CACNA1E: variants seen among roughly 807,000 people sequenced by gnomAD.
CACNA1E encodes voltage-dependent R-type calcium channel subunit alpha-1E.
Under a neutral mutation model 259.2 loss-of-function variants are expected in CACNA1E, and 40 were observed. That is an observed-to-expected ratio of 0.15 (90% confidence interval 0.12 to 0.20). The LOEUF (loss-of-function observed/expected upper bound fraction) is 0.20. Ranked by LOEUF, CACNA1E falls within the 10% of genes least tolerant of loss-of-function variation. CACNA1E has a pLI of 1.00. For synonymous variants in CACNA1E, 1,104 were observed against 1,138.5 expected, an observed-to-expected ratio of 0.97 and a Z score of 0.61; for missense variants, 1,874 against 3,040.1, an observed-to-expected ratio of 0.62 and a Z score of 9.02.
rs887518608 is a variant in CACNA1E, at chr1:181,362,026, G to A, written c.-15+43903G>A. Among the ~76,000 whole-genome samples the A allele has an allele frequency of 4.6e-5, 7 of 152,180 alleles. No homozygotes were observed. The South Asian group carries it at 1.2e-3, about 27-fold the overall frequency. On this transcript the variant is annotated intron_variant, in intron 1 of 11. Transcript: ENST00000524607. ...CTTGAGCTAGTCATTTGCCTTCTCC[G>A]AGCTTGTTTCCTCATCTGTAAAATG...
chr1:181,448,564 A>G (rs2102325470), intron 2 of CACNA1E, among the ~76,000 whole-genome samples: 1 of 152,358 alleles, frequency 6.6e-6, no homozygotes, highest in Admixed American at 6.5e-5. Flanking sequence ...CAGGTTCGTT[A>G]TAGTCTGTTT....
Position 181,389,656 on chromosome 1 carries a change from G to A in CACNA1E, c.-14-23477G>A, listed in dbSNP as rs577276218. Among the ~76,000 whole-genome samples, 4 of 152,320 alleles carry A rather than the reference G, an allele frequency of 2.6e-5. No individual in the cohort carries two copies. In the South Asian group the frequency reaches 8.3e-4, roughly 32 times the overall value. Reference sequence around the variant, plus strand: ...CCCAGGTAGTGGCTTGTGTCTGTGTGTGTTTTACTTTTGGTCCCGTGTCCT... The same window carrying A: ...CCCAGGTAGTGGCTTGTGTCTGTGTATGTTTTACTTTTGGTCCCGTGTCCT... On this transcript the variant is annotated intron_variant, in intron 1 of 11. Transcript: ENST00000524607.
At chr1:181,756,362 T>C (rs1658087004) in intron 29 of CACNA1E, among the ~76,000 whole-genome samples, 1 of 152,172 alleles carries the variant, frequency 6.6e-6, no homozygotes, top group Non-Finnish European at 1.5e-5. Flanking sequence ...CTGACTTCTA[T>C]GGAACAAATG....
rs772466211 is a variant in CACNA1E at position 181,798,252 on chromosome 1, C to A, written c.6400-40C>A. On this transcript the variant is annotated intron_variant, in intron 47 of 47. Coordinates refer to ENST00000367573, the MANE Select transcript of CACNA1E (RefSeq NM_001205293.3). The surrounding 1 kb of genome is among the most constrained non-coding windows in gnomAD (Gnocchi z 4.2). Reference sequence around the variant, plus strand: ...ACAGAGTTGCAAGTAGGGATCATGCCAAGCCCAATCTAACATGCCATGTCT... The same window carrying A: ...ACAGAGTTGCAAGTAGGGATCATGCAAAGCCCAATCTAACATGCCATGTCT... The A allele has an allele frequency of 6.6e-7, 1 of 1,517,760 alleles. No individual in the cohort carries two copies. The allele number at this position is 1,517,760 out of a possible 1,614,324, so 94.0% of individuals were successfully genotyped here.
At chr1:181,331,765 T>C (rs1651281211) in intron 1 of CACNA1E, among the ~76,000 whole-genome samples, 2 of 152,140 alleles carry the variant, frequency 1.3e-5, no homozygotes, top group Non-Finnish European at 2.9e-5. Flanking sequence ...TTCAAACCAT[T>C]AAGATAATGA....
intron 3 of CACNA1E, among the ~76,000 whole-genome samples, chr1:181,544,106 A>AGACAATGGAATACTACTC (rs1289659980): frequency 6.6e-6 from 1 of 152,252 alleles, no homozygotes; most frequent in Non-Finnish European, 1.5e-5. Context: ...GTGGCATGTC[A>AGACAATGGAATACTACTC]GACAATGGAA....
intron 3 of CACNA1E, among the ~76,000 whole-genome samples, chr1:181,524,693 G>C (rs766948930): frequency 1.9e-4 from 29 of 152,156 alleles, no homozygotes; most frequent in Non-Finnish European, 4.0e-4. Context: ...GAGAGAGTAA[G>C]AATAAGGCAT....
chr1:181,717,326 C>T (rs1286244265), intron 11 of CACNA1E, 24 bp downstream of exon 11: 1 of 1,589,354 alleles, frequency 6.3e-7, no homozygotes, highest in South Asian at 1.1e-5. Context: ...CTCTCTAAAG[C>T]CTCCTCTGCT....
intron 6 of CACNA1E, among the ~76,000 whole-genome samples, chr1:181,623,951 A>G (rs1655956739): frequency 6.6e-6 from 1 of 152,166 alleles, no homozygotes; most frequent in South Asian, 2.1e-4. Context: ...TTTTATAAAG[A>G]AAAGCTTTTT....
rs373783535 is a variant in CACNA1E, at chr1:181,749,324, C to A, written c.3720-1152C>A. On this transcript the variant is annotated intron_variant, in intron 25 of 47. Coordinates refer to ENST00000367573, the MANE Select transcript of CACNA1E (RefSeq NM_001205293.3). ...ATGAGATGCAGGTTCACCTATGTTT[C>A]TAAACTCACTCAGTGAATGATCTTA... is the stretch of plus-strand genomic sequence containing the variant. 1.2e-3 allele frequency among the ~76,000 whole-genome samples: 178 copies of A among 152,306 alleles called. 5 individuals are homozygous for A. The South Asian group carries it at 0.036, about 31-fold the overall frequency.
At chr1:181,497,630 A>T (rs1182179070) in intron 1 of CACNA1E, among the ~76,000 whole-genome samples, 3 of 152,206 alleles carry the variant, frequency 2.0e-5, no homozygotes, top group Non-Finnish European at 2.9e-5. Flanking sequence ...CATTTTATAG[A>T]TGATTAGCTT....
At chr1:181,675,118 T>G (rs886677194) in intron 7 of CACNA1E, among the ~76,000 whole-genome samples, 1 of 152,346 alleles carries the variant, frequency 6.6e-6, no homozygotes, top group Admixed American at 6.5e-5. Flanking sequence ...GTGTTTTCAC[T>G]TTCCCTCATC....
At chr1:181,574,912 C>G (rs1428816436) in intron 3 of CACNA1E, among the ~76,000 whole-genome samples, 1 of 152,024 alleles carries the variant, frequency 6.6e-6, no homozygotes, top group Non-Finnish European at 1.5e-5. Context: ...GTAATCCCAG[C>G]TACTCGGGAG....
intron 37 of CACNA1E, 139 bp downstream of exon 37, chr1:181,772,370 A>G: frequency 1.3e-6 from 1 of 767,994 alleles, no homozygotes; most frequent in Non-Finnish European, 2.1e-6. Context: ...CCCACCATGC[A>G]CACACTCACA....
At chr1:181,346,111 G>A (rs1417636823) in intron 1 of CACNA1E, among the ~76,000 whole-genome samples, 1 of 152,210 alleles carries the variant, frequency 6.6e-6, no homozygotes, top group East Asian at 1.9e-4. Flanking sequence ...AGGAGTGCTG[G>A]GGGGCACTGA....
intron 43 of CACNA1E, among the ~76,000 whole-genome samples, chr1:181,789,573 T>C (rs1232414557): frequency 6.6e-6 from 1 of 152,120 alleles, no homozygotes; most frequent in Non-Finnish European, 1.5e-5. Context: ...AAGCTCACTC[T>C]GCATTCTTGA....
At chr1:181,394,182 G>C (rs898761946) in intron 1 of CACNA1E, among the ~76,000 whole-genome samples, 5 of 152,218 alleles carry the variant, frequency 3.3e-5, no homozygotes, top group Admixed American at 2.0e-4. Context: ...TTTATCTCCA[G>C]CCAGACCTGG....
At chr1:181,520,924 C>T (rs1320964459) in intron 3 of CACNA1E, among the ~76,000 whole-genome samples, 2 of 152,236 alleles carry the variant, frequency 1.3e-5, no homozygotes, top group Non-Finnish European at 2.9e-5. Flanking sequence ...TGTCCGCCCA[C>T]ATCTGGATGT....
chr1:181,548,129 C>CTTTTTTTTT (rs71571282), intron 3 of CACNA1E, among the ~76,000 whole-genome samples: 1 of 133,390 alleles, frequency 7.5e-6, no homozygotes, highest in African/African-American at 3.2e-5. Context: ...CTTTTTTTTT[C>CTTTTTTTTT]TTTTTTTTTT....
Sources: gnomAD v4.1 joint callset for allele counts (sites outside exome capture counted in the v4.1 genomes callset) on GRCh38, gnomAD v4.1.1 for gene constraint, Gnocchi (gnomAD v3.1) non-coding constraint, MANE v1.5 for transcripts, NCBI Gene and HGNC (gene_info 2026-07-23, HGNC 2026-07-21) for gene names.